Variants in FSCN1 observed in about 807,000 individuals in gnomAD.
FSCN1 encodes the protein fascin.
A neutral mutation model predicts 39.7 loss-of-function variants in FSCN1; 10 were observed. That is an observed-to-expected ratio of 0.25 (90% CI 0.16 to 0.43). FSCN1 has a LOEUF of 0.43. Among genes scored for constraint, FSCN1 ranks in the 20% least tolerant of loss-of-function variants. FSCN1 has a pLI of 1.00. For missense variants in FSCN1, 525 were observed against 723.8 expected (o/e 0.73, Z 3.15); for synonymous variants, 322 against 320.0 (o/e 1.01, Z -0.07).
At position 5,599,315 on chromosome 7, in the gene FSCN1, C is replaced by T. The variant is rs1785786484; in HGVS notation, c.833-3942C>T. ...AGGGGCGGGGCCAGGAACCCATAGACAAGAGGGTGGGGCAGGGAAAGGGCG... is the reference window on the plus strand; with the variant it reads ...AGGGGCGGGGCCAGGAACCCATAGATAAGAGGGTGGGGCAGGGAAAGGGCG... On this transcript the variant is annotated intron_variant, in intron 1 of 4. Transcript: ENST00000382361. The surrounding 1 kb of genome is among the most constrained non-coding windows in gnomAD (Gnocchi z 5.6). Among the ~76,000 whole-genome samples, 1 of 152,076 alleles carries T rather than the reference C, an allele frequency of 6.6e-6. No individual in the cohort carries two copies. Among genetic ancestry groups the T allele is most frequent in the Non-Finnish European group, 1.5e-5 (1 of 67,980 alleles).
At position 5,603,098 on chromosome 7, in the gene FSCN1, C is replaced by T. The variant is rs1785863278; in HGVS notation, c.833-159C>T. 1.4e-6 allele frequency: 1 copy of T among 740,190 alleles called. No individual in the cohort carries two copies. Among genetic ancestry groups the T allele is most frequent in the Non-Finnish European group, 2.2e-6 (1 of 444,566 alleles). 45.9% of individuals were successfully genotyped at this position (740,190 alleles called of 1,614,324 possible). On this transcript the variant is annotated intron_variant, in intron 1 of 4. Coordinates refer to ENST00000382361, the MANE Select transcript of FSCN1 (RefSeq NM_003088.4). The surrounding 1 kb of genome is among the most constrained non-coding windows in gnomAD (Gnocchi z 8.5). Reference sequence around the variant, plus strand: ...CCGGCCCTGCCTGCGTTCCTGGGTGCTCTCTGCTGCTTCTCATGTGTGCCA... The same window carrying T: ...CCGGCCCTGCCTGCGTTCCTGGGTGTTCTCTGCTGCTTCTCATGTGTGCCA...
rs768663247 is a variant in FSCN1, at chr7:5,603,910, G to A, written c.1159G>A (p.Val387Met). 1.2e-6 allele frequency: 2 copies of A among 1,613,996 alleles called. No individual in the cohort carries two copies. The highest frequency in any genetic ancestry group is 1.7e-6 in the Non-Finnish European group (2 of 1,180,012). The change falls in exon 4 of 5, where the codon GTG becomes ATG. Residue 387 changes from valine (V) to methionine (M), a missense_variant. Transcript: ENST00000382361. This position sits in a 1 kb window ranked among gnomAD's most constrained non-coding sequence, Gnocchi z 8.5. ...GAAGCTCATCAACCGCCCCATCATC[G>A]TGTTCCGCGGGGAGCATGGCTTCAT... ...LMKLINRPII[V>M]FRGEHGFIGC...
At chr7:5,604,955 G>A (rs1382023113) in intron 4 of FSCN1, among the ~76,000 whole-genome samples, 1 of 151,758 alleles carries the variant, frequency 6.6e-6, no homozygotes, top group Non-Finnish European at 1.5e-5. Flanking sequence ...TGTATTTTTA[G>A]TAGAGACGGA....
intron 1 of FSCN1, among the ~76,000 whole-genome samples, chr7:5,600,408 T>C (rs1033248944): frequency 5.3e-5 from 8 of 151,954 alleles, no homozygotes; most frequent in African/African-American, 1.9e-4. Context: ...AGCGAGACTC[T>C]CTTTCTCAAA....
At chr7:5,597,592 G>A (rs748732550) in intron 1 of FSCN1, among the ~76,000 whole-genome samples, 8 of 151,762 alleles carry the variant, frequency 5.3e-5, no homozygotes, top group South Asian at 2.1e-4. Flanking sequence ...CCTTGAACCC[G>A]GGAGGCGGAA....
chr7:5,605,256 A>G lies in FSCN1; in HGVS notation c.1280-16A>G, dbSNP rs1562750353. On this transcript the variant is annotated splice_polypyrimidine_tract_variant and intron_variant, in intron 4 of 4. Transcript: ENST00000382361. This position sits in a 1 kb window ranked among gnomAD's most constrained non-coding sequence, Gnocchi z 6.9. ...AGCCAGGCTTTGGGCCCCACTTGAT[A>G]AAGTCCCCTCCCCAGACTCCACAGG... 1 of 1,604,634 alleles carries G rather than the reference A, an allele frequency of 6.2e-7. No homozygotes were observed. The highest frequency in any genetic ancestry group is 8.5e-7 in the Non-Finnish European group (1 of 1,172,076).
chr7:5,600,149 T>C (rs1016015740), intron 1 of FSCN1, among the ~76,000 whole-genome samples: 2 of 151,962 alleles, frequency 1.3e-5, no homozygotes, highest in African/African-American at 4.8e-5. Context: ...CAGTGGCTCA[T>C]ACCTGTAATC....
At chr7:5,602,520 CCT>C (rs1419945464) in intron 1 of FSCN1, among the ~76,000 whole-genome samples, 1 of 151,870 alleles carries the variant, frequency 6.6e-6, no homozygotes, top group Non-Finnish European at 1.5e-5. Flanking sequence ...GAAGCAAATC[CCT>C]GACATCAGGG....
rs1339159237 is a variant in FSCN1, at chr7:5,606,539, A to C, written c.*1065A>C. 1 of 150,994 alleles carries C rather than the reference A, an allele frequency of 6.6e-6. No homozygotes were observed. Among genetic ancestry groups the C allele is most frequent in the Non-Finnish European group, 1.5e-5 (1 of 67,694 alleles). 9.4% of individuals were successfully genotyped at this position (150,994 alleles called of 1,614,324 possible). A position where few individuals can be genotyped will look rare whatever the true frequency, so the allele number is the denominator to read the frequency against. Reference sequence around the variant, plus strand: ...CTCCCCCGTCCCCAACATGCATCTCACTCTGGGTGTCTTGGTCTTTTATTT... The same window carrying C: ...CTCCCCCGTCCCCAACATGCATCTCCCTCTGGGTGTCTTGGTCTTTTATTT... On this transcript the variant is annotated 3_prime_UTR_variant, in exon 5 of 5. Coordinates refer to ENST00000382361, the MANE Select transcript of FSCN1 (RefSeq NM_003088.4). The surrounding 1 kb of genome is among the most constrained non-coding windows in gnomAD (Gnocchi z 5.1).
In FSCN1 at chr7:5,605,673, C is replaced by G. The variant is rs1785921511; in HGVS notation, c.*199C>G. 1 of 567,866 alleles carries G rather than the reference C, an allele frequency of 1.8e-6. No homozygotes were observed. Among genetic ancestry groups the G allele is most frequent in the East Asian group, 2.9e-5 (1 of 34,028 alleles). 35.2% of individuals were successfully genotyped at this position (567,866 alleles called of 1,614,324 possible). The stretch of plus-strand genomic sequence containing the variant: ...CTCCCCTCCGCCCGGGTTCCCTACT[C>G]CCCTCGGGTCAGCGGCTGCGGCCTG... On this transcript the variant is annotated 3_prime_UTR_variant, in exon 5 of 5. Coordinates refer to ENST00000382361, the MANE Select transcript of FSCN1 (RefSeq NM_003088.4). The surrounding 1 kb of genome is among the most constrained non-coding windows in gnomAD (Gnocchi z 6.9).
Position 5,595,401 on chromosome 7 carries a change from C to T in FSCN1, c.832+1633C>T, listed in dbSNP as rs189150855. Among the ~76,000 whole-genome samples, 22 of 152,320 alleles carry T rather than the reference C, an allele frequency of 1.4e-4. No homozygotes were observed. The East Asian group carries it at 3.7e-3, about 25-fold the overall frequency. ...GTTTCCTGTTTCCCACAGCGCATGG[C>T]GGGCAGAGCTCCTCACCTGATCAGC... On this transcript the variant is annotated intron_variant, in intron 1 of 4. Transcript: ENST00000382361.
chr7:5,598,952 G>C (rs1785777846), intron 1 of FSCN1, among the ~76,000 whole-genome samples: 1 of 152,220 alleles, frequency 6.6e-6, no homozygotes. Flanking sequence ...GGTGAGGGCA[G>C]CTGTGCGGGT....
chr7:5,594,398 C>G (rs540210378), intron 1 of FSCN1: 15 of 152,642 alleles, frequency 9.8e-5, no homozygotes, highest in African/African-American at 3.6e-4. Context: ...TCCCCCCAGC[C>G]CCTCCTCCCG....
At position 5,599,232 on chromosome 7, in the gene FSCN1, G is replaced by T. The variant is rs1479296611; in HGVS notation, c.833-4025G>T. Among the ~76,000 whole-genome samples, 3 of 152,158 alleles carry T rather than the reference G, an allele frequency of 2.0e-5. No homozygotes were observed. The East Asian group carries it at 5.8e-4, about 29-fold the overall frequency. On this transcript the variant is annotated intron_variant, in intron 1 of 4. Transcript: ENST00000382361. This position sits in a 1 kb window ranked among gnomAD's most constrained non-coding sequence, Gnocchi z 5.6. ...ATGCTCGTCGGAGGGCAGAGGGTGG[G>T]CTACCGGCTTAAGGGGCCCCAGGGA... is the stretch of plus-strand genomic sequence containing the variant.
At position 5,603,943 on chromosome 7, in the gene FSCN1, C is replaced by T. The variant is rs751111507; in HGVS notation, c.1192C>T (p.Arg398Cys). ...CGGGGAGCATGGCTTCATCGGCTGC[C>T]GCAAGGTCACGGGCACCCTGGACGC... ...FRGEHGFIGC[R>C]KVTGTLDANR... Residue 398 changes from arginine to cysteine, a missense_variant, in exon 4 of 5, where the codon CGC (arginine) becomes TGC (cysteine). Transcript: ENST00000382361. This position sits in a 1 kb window ranked among gnomAD's most constrained non-coding sequence, Gnocchi z 8.5. 4 of 1,614,030 alleles carry T rather than the reference C, an allele frequency of 2.5e-6. No homozygotes were observed. The highest frequency in any genetic ancestry group is 1.3e-5 in the African/African-American group (1 of 75,036).
intron 1 of FSCN1, chr7:5,595,036 C>T (rs1303554235): frequency 6.6e-6 from 1 of 152,354 alleles, no homozygotes; most frequent in Non-Finnish European, 1.5e-5. Flanking sequence ...AGAGGCCCCG[C>T]TGGAGGGAGG....
At chr7:5,600,086 T>C (rs1785798492) in intron 1 of FSCN1, among the ~76,000 whole-genome samples, 1 of 152,020 alleles carries the variant, frequency 6.6e-6, no homozygotes, top group South Asian at 2.1e-4. Context: ...GAGGAATCCA[T>C]GTGGATATGC....
At chr7:5,600,952 T>A (rs1209355419) in intron 1 of FSCN1, among the ~76,000 whole-genome samples, 1 of 121,784 alleles carries the variant, frequency 8.2e-6, no homozygotes, top group African/African-American at 3.5e-5. Flanking sequence ...CCTTGCCTGG[T>A]CCTTTTTTTT....
Position 5,593,673 on chromosome 7 carries a change from C to G in FSCN1, c.737C>G (p.Thr246Ser), listed in dbSNP as rs778522596. 6.3e-6 allele frequency: 10 copies of G among 1,587,870 alleles called. No individual in the cohort carries two copies. Among genetic ancestry groups the G allele is most frequent in the Non-Finnish European group, 8.5e-6 (10 of 1,173,826 alleles). The change falls in exon 1 of 5, where the codon ACC becomes AGC. Residue 246 changes from threonine (T) to serine (S), a missense_variant. This residue lies in a region of FSCN1 where 275 missense variants were observed against 351.9 expected (regional missense o/e 0.78). Coordinates refer to ENST00000382361, the MANE Select transcript of FSCN1 (RefSeq NM_003088.4). Reference protein sequence around the residue: ...PSGTLKAGKATKVGKDELFAL... With the variant: ...PSGTLKAGKASKVGKDELFAL... ...GGCACGCTCAAGGCGGGCAAGGCCACCAAGGTGGGCAAGGACGAGCTCTTT... is the reference window on the plus strand; with the variant it reads ...GGCACGCTCAAGGCGGGCAAGGCCAGCAAGGTGGGCAAGGACGAGCTCTTT...
Sources: gnomAD v4.1 joint callset for allele counts (sites outside exome capture counted in the v4.1 genomes callset) on GRCh38, gnomAD v4.1.1 for gene constraint, gnomAD v4.1.1 regional missense constraint, Gnocchi (gnomAD v3.1) non-coding constraint, MANE v1.5 for transcripts, NCBI Gene and HGNC (gene_info 2026-07-23, HGNC 2026-07-21) for gene names.